Variants in PRDM1 observed in about 807,000 individuals in gnomAD.
PRDM1 encodes PR/SET domain 1.
In PRDM1, 13 loss-of-function variants were observed where a neutral mutation model predicts 62.8. The observed-to-expected ratio is 0.21, with a 90% CI of 0.13 to 0.33. The LOEUF is 0.33. PRDM1 is among the 10% of genes least tolerant of loss of function. PRDM1 has a pLI of 1.00. For synonymous variants in PRDM1, 396 were observed against 417.6 expected (o/e 0.95, Z 0.63); for missense variants, 895 against 1,058.8 (o/e 0.85, Z 2.15).
chr6:106,088,077 C>A, intron 1 of PRDM1, 124 bp from the exon 2 acceptor site: 1 of 1,156,872 alleles, frequency 8.6e-7, no homozygotes, highest in African/African-American at 1.6e-5. Flanking sequence ...TCTTTCTCAA[C>A]TGTACCAAGC....
chr6:106,070,313 A>G (rs1773491995), intron 1 of PRDM1, among the ~76,000 whole-genome samples: 1 of 152,228 alleles, frequency 6.6e-6, no homozygotes, highest in Non-Finnish European at 1.5e-5. Context: ...AAGAATACAA[A>G]TGAAATTATG....
At chr6:106,100,226 A>G (rs1774230633) in intron 4 of PRDM1, 1 of 152,254 alleles carries the variant, frequency 6.6e-6, no homozygotes, top group African/African-American at 2.4e-5. Flanking sequence ...AGAGGGCTGC[A>G]TCATTTTGGT....
At chr6:106,008,647 G>A (rs1373827673) in intron 1 of PRDM1, among the ~76,000 whole-genome samples, 3 of 152,190 alleles carry the variant, frequency 2.0e-5, no homozygotes, top group Non-Finnish European at 4.4e-5. Flanking sequence ...CAGGAAAGGA[G>A]GGCCCAGTCA....
chr6:106,087,668 C>CTGG (rs1773844128), intron 1 of PRDM1: 6 of 232,720 alleles, frequency 2.6e-5, no homozygotes, highest in Admixed American at 1.1e-4. Context: ...GCGTTGGGAG[C>CTGG]TGGTGGGAAA....
At chr6:106,061,742 G>A (rs1366750014) in intron 1 of PRDM1, among the ~76,000 whole-genome samples, 4 of 152,136 alleles carry the variant, frequency 2.6e-5, no homozygotes, top group Non-Finnish European at 1.5e-5. Context: ...AGCTAATTAG[G>A]GGCAGAGGTC....
rs372836043 is a variant in PRDM1, at chr6:106,104,907, C to G, written c.747C>G (p.Ser249Arg). Residue 249 changes from serine (S) to arginine (R), a missense_variant, in exon 5 of 7, where the codon AGC becomes AGG. By Grantham distance (110) the Ser-to-Arg change is moderately radical. Around this residue, in one of 4 missense-constraint regions of PRDM1, gnomAD observed 444 missense variants for 422.7 expected, o/e 1.05. Transcript: ENST00000369096. Reference sequence around the variant, plus strand: ...AGAATGTCCCAAAGAGAGAGTACAGCGTGAAAGAAATCCTAAAATTGGACT... The same window carrying G: ...AGAATGTCCCAAAGAGAGAGTACAGGGTGAAAGAAATCCTAAAATTGGACT... ...CPKNVPKREYSVKEILKLDSN... is the reference protein window; with the variant it reads ...CPKNVPKREYRVKEILKLDSN... 18 of 1,613,968 alleles carry G rather than the reference C, an allele frequency of 1.1e-5. No homozygotes were observed. Among genetic ancestry groups the G allele is most frequent in the Non-Finnish European group, 1.4e-5 (17 of 1,179,964 alleles).
chr6:106,029,647 C>G (rs1157685048), intron 1 of PRDM1, among the ~76,000 whole-genome samples: 1 of 151,970 alleles, frequency 6.6e-6, no homozygotes, highest in African/African-American at 2.4e-5. Flanking sequence ...CACTCTGTCA[C>G]CCAGGCTGAG....
chr6:105,994,266 CG>C lies in PRDM1; in HGVS notation c.-67+631del, dbSNP rs1562140145. On this transcript the variant is annotated intron_variant, in intron 1 of 6. Transcript: ENST00000652320. This position sits in a 1 kb window ranked among gnomAD's most constrained non-coding sequence, Gnocchi z 4.1. ...GCCTAAAGAGGCCCGGGCTCTCCCCCGGGGTCGTTGTTGGAAAAGCAAATTC... is the reference window on the plus strand; with the variant it reads ...GCCTAAAGAGGCCCGGGCTCTCCCCCGGGTCGTTGTTGGAAAAGCAAATTC... Among the ~76,000 whole-genome samples, 3 of 152,082 alleles carry C rather than the reference CG, an allele frequency of 2.0e-5. No homozygotes were observed. The South Asian group carries it at 6.2e-4, about 32-fold the overall frequency.
chr6:106,025,899 C>T (rs1772757353), intron 1 of PRDM1, among the ~76,000 whole-genome samples: 1 of 152,090 alleles, frequency 6.6e-6, no homozygotes, highest in Non-Finnish European at 1.5e-5. Context: ...ACAGGGGACT[C>T]ATAAGTTTTG....
chr6:106,095,124 G>T (rs1409993055), intron 2 of PRDM1, among the ~76,000 whole-genome samples: 1 of 151,442 alleles, frequency 6.6e-6, no homozygotes, highest in Non-Finnish European at 1.5e-5. Context: ...GGTTCCTTAG[G>T]CTGTTATGGA....
rs930986640 is a variant in PRDM1, at chr6:106,099,701, AT to A, written c.664+155del. 6 of 1,011,056 alleles carry A rather than the reference AT, an allele frequency of 5.9e-6. No homozygotes were observed. In the East Asian group the frequency reaches 1.3e-4, roughly 22 times the overall value. 62.6% of individuals were successfully genotyped at this position (1,011,056 alleles called of 1,614,324 possible). On this transcript the variant is annotated intron_variant, in intron 4 of 6. Coordinates refer to ENST00000369096, the MANE Select transcript of PRDM1 (RefSeq NM_001198.4). ...GCTAGGGACTAGGAAGAGGAAAAACATTTTTTGAGTCCCTATTAACTATTAG... is the reference window on the plus strand; with the variant it reads ...GCTAGGGACTAGGAAGAGGAAAAACATTTTTGAGTCCCTATTAACTATTAG...
chr6:106,041,282 A>G (rs12209696), intron 1 of PRDM1, among the ~76,000 whole-genome samples: 32,587 of 152,118 alleles, frequency 0.21, 4,602 homozygotes, highest in Non-Finnish European at 0.32. Flanking sequence ...ACCTGCAAAC[A>G]TTGTATTTTT....
chr6:106,013,462 G>A (rs927817451), intron 1 of PRDM1, among the ~76,000 whole-genome samples: 8 of 151,386 alleles, frequency 5.3e-5, no homozygotes, highest in South Asian at 2.1e-4. Context: ...CGAGTAGCTC[G>A]GATTACAGGT....
intron 1 of PRDM1, among the ~76,000 whole-genome samples, chr6:106,024,028 G>C (rs919952583): frequency 6.6e-6 from 1 of 152,082 alleles, no homozygotes; most frequent in African/African-American, 2.4e-5. Context: ...TGTAGTCCTA[G>C]GTCCTTGGGA....
chr6:106,097,737 G>A (rs1212054281), intron 3 of PRDM1, among the ~76,000 whole-genome samples: 1 of 152,216 alleles, frequency 6.6e-6, no homozygotes, highest in Non-Finnish European at 1.5e-5. Context: ...GCAGTCCGAG[G>A]AAGGCTAACT....
At chr6:106,092,970 T>G (rs1349954417) in intron 2 of PRDM1, among the ~76,000 whole-genome samples, 5 of 152,220 alleles carry the variant, frequency 3.3e-5, no homozygotes, top group Non-Finnish European at 7.3e-5. Context: ...TTTAAAATAT[T>G]AGGGCGCTCT....
chr6:106,057,973 C>T (rs945284426), intron 1 of PRDM1, among the ~76,000 whole-genome samples: 9 of 152,182 alleles, frequency 5.9e-5, no homozygotes, highest in African/African-American at 2.2e-4. Flanking sequence ...GCCGGTTTCT[C>T]CTAACTTTCC....
chr6:106,092,459 GCAGTAATTCTTTAGGACCCTGGT>G (rs752307265), intron 2 of PRDM1, among the ~76,000 whole-genome samples: 7 of 152,218 alleles, frequency 4.6e-5, no homozygotes, highest in Non-Finnish European at 1.5e-5. Context: ...CCTGTCCCCA[GCAGTAATTCTTTAGGACCCTGGT>G]CAGTTCCAGT....
At chr6:106,038,034 T>TTTTTTTTTTTTTTTTTTTTTTTTAAA in intron 1 of PRDM1, among the ~76,000 whole-genome samples, 1 of 133,382 alleles carries the variant, frequency 7.5e-6, no homozygotes, top group Non-Finnish European at 1.6e-5. Flanking sequence ...TTTTTTTTTT[T>TTTTTTTTTTTTTTTTTTTTTTTTAAA]GAGACAGAGT....
Sources: allele counts gnomAD v4.1 joint callset (sites outside exome capture counted in the v4.1 genomes callset), GRCh38; gene constraint gnomAD v4.1.1; regional missense constraint gnomAD v4.1.1; non-coding constraint Gnocchi (gnomAD v3.1); transcripts MANE v1.5; gene names NCBI Gene and HGNC (gene_info 2026-07-23, HGNC 2026-07-21).